The following TVP23C variants were observed in gnomAD, a reference collection of about 807,000 sequenced individuals.
TVP23C encodes the protein trans-golgi network vesicle protein 23 homolog C.
A neutral mutation model predicts 28.7 loss-of-function variants in TVP23C; 19 were observed. That is an observed-to-expected ratio of 0.66 (90% confidence interval 0.46 to 0.97). The LOEUF is 0.97. TVP23C is among the 50% of genes least tolerant of loss of function. The pLI, the probability that TVP23C is intolerant of heterozygous loss-of-function variation, is 0.00. For synonymous variants in TVP23C, 68 were observed against 81.7 expected (o/e 0.83, Z 0.90); for missense variants, 186 against 241.3 (o/e 0.77, Z 1.52).
intron 5 of TVP23C, among the ~76,000 whole-genome samples, chr17:15,510,921 G>GCAGGTGCCTGTAATAC (rs1981971295): frequency 6.6e-6 from 1 of 151,956 alleles, no homozygotes; most frequent in Non-Finnish European, 1.5e-5. Flanking sequence ...AGGCGTGGTG[G>GCAGGTGCCTGTAATAC]CAGGTGCCTG....
chr17:15,548,411 C>T (rs1349461678), intron 3 of TVP23C, among the ~76,000 whole-genome samples: 1 of 152,164 alleles, frequency 6.6e-6, no homozygotes, highest in African/African-American at 2.4e-5. Context: ...GTGATTCACC[C>T]GCCTTGGCCT....
intron 5 of TVP23C, among the ~76,000 whole-genome samples, chr17:15,509,430 T>C (rs753702523): frequency 2.0e-5 from 3 of 152,202 alleles, no homozygotes; most frequent in Non-Finnish European, 4.4e-5. Context: ...CAGCCAGGAG[T>C]GCTGAATATC....
Position 15,539,202 on chromosome 17 carries a change from T to C in TVP23C, c.*1210A>G, listed in dbSNP as rs1381942347. The C allele has an allele frequency of 1.0e-6, 1 of 970,514 alleles. No individual in the cohort carries two copies. Among genetic ancestry groups the C allele is most frequent in the Non-Finnish European group, 1.2e-6 (1 of 816,492 alleles). 60.1% of individuals were successfully genotyped at this position (970,514 alleles called of 1,614,324 possible). ...AGTCTGGAGGTGGAACCCAGCAATC[T>C]TGTGCCCTCTAGGTGATTCTCATGT... On this transcript the variant is annotated 3_prime_UTR_variant, in exon 6 of 6. Coordinates refer to ENST00000518321, the MANE Select transcript of TVP23C (RefSeq NM_001135036.2).
chr17:15,502,727 T>C (rs1981506444), exon 6 of TVP23C: 10 of 958,780 alleles, frequency 1.0e-5, no homozygotes, highest in Non-Finnish European at 1.2e-5. Flanking sequence ...CTCCTCTCTC[T>C]CTCTTTCTCT....
chr17:15,532,163 C>T (rs1982974350), downstream of TVP23C, among the ~76,000 whole-genome samples: 1 of 152,148 alleles, frequency 6.6e-6, no homozygotes. Context: ...CATCACACTC[C>T]CCTTTTTTTA....
In TVP23C at chr17:15,543,367, G is replaced by C. The variant is rs923644522; in HGVS notation, c.462+2418C>G. The stretch of plus-strand genomic sequence containing the variant: ...TAAGCAAAATGGATAAGGAAAAAGG[G>C]AAGTGCATTTATGCAAAACTATAGC... On this transcript the variant is annotated intron_variant, in intron 5 of 5. Coordinates refer to ENST00000518321, the MANE Select transcript of TVP23C (RefSeq NM_001135036.2). Among the ~76,000 whole-genome samples the C allele has an allele frequency of 4.0e-5, 6 of 151,412 alleles. No homozygotes were observed. In the South Asian group the frequency reaches 1.3e-3, roughly 32 times the overall value.
chr17:15,551,827 G>C (rs1983905798), intron 3 of TVP23C, among the ~76,000 whole-genome samples: 1 of 152,120 alleles, frequency 6.6e-6, no homozygotes, highest in South Asian at 2.1e-4. Flanking sequence ...TTTTTAGTAA[G>C]TACATTGAGA....
downstream of TVP23C, among the ~76,000 whole-genome samples, chr17:15,536,043 T>G (rs1033334613): frequency 6.6e-6 from 1 of 151,950 alleles, no homozygotes; most frequent in African/African-American, 2.4e-5. Flanking sequence ...AATACAAAAA[T>G]TAGCCAGGTG....
chr17:15,543,413 T>C (rs1452694419), intron 5 of TVP23C, among the ~76,000 whole-genome samples: 3 of 150,696 alleles, frequency 2.0e-5, no homozygotes, highest in African/African-American at 4.9e-5. Context: ...AAAAGAAGCA[T>C]AGTATACAGA....
At chr17:15,513,710 G>A (rs1170586840) in intron 5 of TVP23C, among the ~76,000 whole-genome samples, 1 of 152,150 alleles carries the variant, frequency 6.6e-6, no homozygotes, top group Non-Finnish European at 1.5e-5. Flanking sequence ...GCATTGCCTG[G>A]CTTTCCCCAG....
rs1053485082 is a variant in TVP23C, at chr17:15,537,530, C to T, written c.*2882G>A. 3.0e-6 allele frequency: 3 copies of T among 984,082 alleles called. No individual in the cohort carries two copies. Among genetic ancestry groups the T allele is most frequent in the Admixed American group, 6.2e-5 (1 of 16,240 alleles). The allele number at this position is 984,082 out of a possible 1,614,324, so 61.0% of individuals were successfully genotyped here. A position where few individuals can be genotyped will look rare whatever the true frequency, so the allele number is the denominator to read the frequency against. On this transcript the variant is annotated 3_prime_UTR_variant, in exon 6 of 6. Coordinates refer to ENST00000518321, the MANE Select transcript of TVP23C (RefSeq NM_001135036.2). ...TGGGCCTTAAGTAGATAACTTCTTA[C>T]AAACAAAAATAAAATTTTATAAAGT...
At chr17:15,507,877 A>G (rs961586540) in intron 5 of TVP23C, among the ~76,000 whole-genome samples, 4 of 152,290 alleles carry the variant, frequency 2.6e-5, no homozygotes, top group South Asian at 2.1e-4. Flanking sequence ...CAAAAAAAAG[A>G]AAGTCTATAG....
intron 5 of TVP23C, among the ~76,000 whole-genome samples, chr17:15,521,131 C>G (rs1322561444): frequency 6.6e-6 from 1 of 151,946 alleles, no homozygotes; most frequent in East Asian, 1.9e-4. Context: ...GAATTCCCCC[C>G]ACTTGATACA....
downstream of TVP23C, among the ~76,000 whole-genome samples, chr17:15,533,397 T>C (rs1983025733): frequency 2.0e-5 from 3 of 152,212 alleles, no homozygotes; most frequent in African/African-American, 7.2e-5. Context: ...TCAAATGCCA[T>C]GAGCAATGTT....
intron 5 of TVP23C, among the ~76,000 whole-genome samples, chr17:15,523,149 A>G (rs1254147209): frequency 2.7e-5 from 4 of 150,446 alleles, no homozygotes; most frequent in Non-Finnish European, 4.4e-5. Flanking sequence ...AGCTAGGACT[A>G]CAGGTGCATG....
At chr17:15,551,265 A>ATTTTT (rs1258749974) in intron 3 of TVP23C, among the ~76,000 whole-genome samples, 10 of 115,326 alleles carry the variant, frequency 8.7e-5, no homozygotes, top group African/African-American at 3.0e-4. Context: ...TGCCCGGCTC[A>ATTTTT]TTTTTTTTTT....
rs112727303 is a variant in TVP23C at position 15,538,048 on chromosome 17, T to G, written c.*2364A>C. On this transcript the variant is annotated 3_prime_UTR_variant, in exon 6 of 6. Transcript: ENST00000518321. ...AAAGCCAACACTCCTCGTTGCAACA[T>G]GGACTAAGCTCTAAAAGGTTGAGTC... 6,764 of 1,571,072 alleles carry G rather than the reference T, an allele frequency of 4.3e-3. 241 individuals are homozygous for G. The African/African-American group carries it at 0.081, about 19-fold the overall frequency.
intron 3 of TVP23C, among the ~76,000 whole-genome samples, chr17:15,549,638 C>A (rs1178925642): frequency 6.6e-6 from 1 of 151,688 alleles, no homozygotes; most frequent in South Asian, 2.1e-4. Flanking sequence ...CAAGATCACA[C>A]CACTGCATTC....
Position 15,522,838 on chromosome 17 carries a change from T to C in TVP23C, c.463-19606A>G, listed in dbSNP as rs560506774. Among the ~76,000 whole-genome samples the C allele has an allele frequency of 6.0e-5, 9 of 149,326 alleles. No individual in the cohort carries two copies. In the South Asian group the frequency reaches 1.9e-3, roughly 32 times the overall value. ...TGGGCAGATCACCTGAGGTCAGGAGTTCCAGACCAGCCTGACCAACATGGT... is the reference window on the plus strand; with the variant it reads ...TGGGCAGATCACCTGAGGTCAGGAGCTCCAGACCAGCCTGACCAACATGGT... On this transcript the variant is annotated intron_variant, in intron 5 of 5. Coordinates refer to the TVP23C transcript ENST00000225576.
Sources: allele counts gnomAD v4.1 joint callset (sites outside exome capture counted in the v4.1 genomes callset), GRCh38; gene constraint gnomAD v4.1.1; transcripts MANE v1.5; gene names NCBI Gene and HGNC (gene_info 2026-07-23, HGNC 2026-07-21).